RANBP3L: variants seen among roughly 807,000 people sequenced by gnomAD.
RANBP3L encodes ran-binding protein 3-like.
RANBP3L carries 56 observed loss-of-function variants against 67.2 expected under a neutral mutation model. That is an observed-to-expected ratio of 0.83 (90% CI 0.67 to 1.04). The LOEUF (loss-of-function observed/expected upper bound fraction) is 1.04, where lower values mean the gene tolerates loss of function less well. Among genes scored for constraint, RANBP3L ranks in the 50% least tolerant of loss-of-function variants. The pLI is 0.00. For missense variants in RANBP3L, 496 were observed against 535.5 expected, an observed-to-expected ratio of 0.93 and a Z score of 0.73; for synonymous variants, 164 against 181.4, an observed-to-expected ratio of 0.90 and a Z score of 0.77.
chr5:36,285,313 A>G (rs1447652046), intron 1 of RANBP3L, among the ~76,000 whole-genome samples: 1 of 152,224 alleles, frequency 6.6e-6, no homozygotes, highest in East Asian at 1.9e-4. Context: ...GTGATTTTAT[A>G]GGTCTCCTAG....
intron 1 of RANBP3L, among the ~76,000 whole-genome samples, chr5:36,272,769 C>T (rs371526660): frequency 3.3e-5 from 5 of 152,044 alleles, no homozygotes; most frequent in South Asian, 2.1e-4. Context: ...CTCAGCCTCC[C>T]GAATAGCTGA....
Position 36,257,020 on chromosome 5 carries a change from G to C in RANBP3L, c.824C>G (p.Ser275Cys), listed in dbSNP as rs1749029588. 1 of 1,612,822 alleles carries C rather than the reference G, an allele frequency of 6.2e-7. No individual in the cohort carries two copies. Among genetic ancestry groups the C allele is most frequent in the Non-Finnish European group, 8.5e-7 (1 of 1,179,056 alleles). Residue 275 changes from serine (S) to cysteine (C), a missense_variant, in exon 10 of 14, where the codon TCT becomes TGT. Physicochemically the swap from Ser to Cys is moderately radical, Grantham distance 112. Coordinates refer to ENST00000296604, the MANE Select transcript of RANBP3L (RefSeq NM_145000.5). ...CAAGCATTTTCGTGATGGTTGGGAA[G>C]AGAATGCAGCAGCTGATTCAATTAG... ...TSLIESAAAF[S>C]SQPSRKCLLE... is the part of the protein sequence containing the mutation.
chr5:36,285,668 G>A (rs1452613280), intron 1 of RANBP3L, among the ~76,000 whole-genome samples: 4 of 152,180 alleles, frequency 2.6e-5, no homozygotes, highest in Non-Finnish European at 5.9e-5. Context: ...ACCATCTAAA[G>A]TTGTATCTAT....
intron 12 of RANBP3L, among the ~76,000 whole-genome samples, chr5:36,253,064 A>G (rs773306779): frequency 1.3e-5 from 2 of 151,544 alleles, no homozygotes; most frequent in Admixed American, 1.3e-4. Flanking sequence ...TTTAAGCTTT[A>G]TTCTTGCCAG....
chr5:36,274,665 A>G (rs1750449181), intron 1 of RANBP3L, among the ~76,000 whole-genome samples: 2 of 152,170 alleles, frequency 1.3e-5, no homozygotes, highest in Admixed American at 1.3e-4. Flanking sequence ...TTTTTATTCC[A>G]AGAAAAATGG....
intron 1 of RANBP3L, among the ~76,000 whole-genome samples, chr5:36,285,043 T>G (rs1007896379): frequency 3.3e-5 from 5 of 152,160 alleles, no homozygotes; most frequent in African/African-American, 4.8e-5. Flanking sequence ...ATTACAAGCT[T>G]GGCTGAAGAC....
chr5:36,278,738 G>A (rs1260782699), intron 1 of RANBP3L, among the ~76,000 whole-genome samples: 2 of 152,134 alleles, frequency 1.3e-5, no homozygotes, highest in Non-Finnish European at 2.9e-5. Flanking sequence ...AATCTCTGTG[G>A]TAAGGATATT....
chr5:36,287,428 T>C (rs1751403492), intron 1 of RANBP3L, among the ~76,000 whole-genome samples: 1 of 152,186 alleles, frequency 6.6e-6, no homozygotes. Flanking sequence ...TGGCAGCCAC[T>C]AAGTATGTGT....
intron 13 of RANBP3L, 137 bp downstream of exon 13, chr5:36,251,176 C>G: frequency 1.6e-6 from 1 of 631,368 alleles, no homozygotes; most frequent in Non-Finnish European, 2.6e-6. Flanking sequence ...CTCCTCAGAT[C>G]CAAACAACTA....
chr5:36,279,107 A>G (rs1750798806), intron 1 of RANBP3L, among the ~76,000 whole-genome samples: 1 of 152,190 alleles, frequency 6.6e-6, no homozygotes, highest in Admixed American at 6.5e-5. Context: ...GGGGATCTCA[A>G]TCTCTGCATG....
chr5:36,287,700 T>TCC (rs1751425451), intron 1 of RANBP3L, among the ~76,000 whole-genome samples: 1 of 152,218 alleles, frequency 6.6e-6, no homozygotes, highest in African/African-American at 2.4e-5. Flanking sequence ...GTTCTTTTTA[T>TCC]TATACCTCAA....
intron 1 of RANBP3L, among the ~76,000 whole-genome samples, chr5:36,275,897 C>G (rs1750535291): frequency 1.3e-5 from 2 of 151,970 alleles, no homozygotes; most frequent in Admixed American, 6.6e-5. Context: ...CCAGAAAAGC[C>G]TCATAAAACC....
In RANBP3L at chr5:36,260,810, A is replaced by G. The variant is rs769617878; in HGVS notation, c.639T>C (p.Val213=). 6.4e-6 allele frequency: 10 copies of G among 1,565,332 alleles called. No individual in the cohort carries two copies. In the Admixed American group the frequency reaches 8.5e-5, roughly 13 times the overall value. ...CSFKSCSSNF[V]FGENMVERVL... is the part of the protein sequence containing the mutation. ...CTCTTTCTACCATGTTTTCTCCAAA[A>G]ACAAAATTGGAACTGCAGCTTTTAA... Residue 213 remains valine (V), a synonymous_variant, in exon 8 of 14, where the codon GTT becomes GTC. Transcript: ENST00000296604.
At chr5:36,263,034 T>C (rs1271192923) in intron 6 of RANBP3L, among the ~76,000 whole-genome samples, 1 of 152,176 alleles carries the variant, frequency 6.6e-6, no homozygotes, top group Non-Finnish European at 1.5e-5. Context: ...ATAAAGATAA[T>C]GGTTCTACAA....
chr5:36,251,568 C>A (rs1008307526), intron 12 of RANBP3L, 69 bp from the exon 13 acceptor site: 6 of 1,202,488 alleles, frequency 5.0e-6, no homozygotes, highest in Admixed American at 2.2e-5. Flanking sequence ...GATTTTTAAT[C>A]TTTCACTACT....
intron 4 of RANBP3L, among the ~76,000 whole-genome samples, chr5:36,267,516 A>AG: frequency 6.6e-6 from 1 of 151,868 alleles, no homozygotes; most frequent in African/African-American, 2.4e-5. Context: ...TCAAAAAAAA[A>AG]AAAAAGAAAG....
chr5:36,269,848 A>G, intron 3 of RANBP3L, 103 bp downstream of exon 3: 1 of 981,384 alleles, frequency 1.0e-6, no homozygotes, highest in Non-Finnish European at 1.6e-6. Context: ...AAAAAGAAAA[A>G]ACATTAACTT....
At chr5:36,288,843 C>A (rs1384174418) in intron 1 of RANBP3L, among the ~76,000 whole-genome samples, 2 of 151,776 alleles carry the variant, frequency 1.3e-5, no homozygotes, top group African/African-American at 4.8e-5. Flanking sequence ...GAGTTTTTAA[C>A]ATATTCTGAT....
At chr5:36,265,802 G>T (rs6898451) in intron 4 of RANBP3L, among the ~76,000 whole-genome samples, 13,790 of 151,886 alleles carry the variant, frequency 0.091, 1,792 homozygotes, top group African/African-American at 0.28. Flanking sequence ...GCGAAACCCC[G>T]TCTCTACTAA....
Sources: gnomAD v4.1 joint callset for allele counts (sites outside exome capture counted in the v4.1 genomes callset) on GRCh38, gnomAD v4.1.1 for gene constraint, MANE v1.5 for transcripts, NCBI Gene and HGNC (gene_info 2026-07-23, HGNC 2026-07-21) for gene names.